MOCS1: variants seen among roughly 807,000 people sequenced by gnomAD.
MOCS1 encodes molybdenum cofactor synthesis 1.
A neutral mutation model predicts 57.6 loss-of-function variants in MOCS1; 39 were observed. That is an observed-to-expected ratio of 0.68 (90% CI 0.52 to 0.88). MOCS1 has a LOEUF of 0.88. Ranked by LOEUF, MOCS1 falls within the 40% of genes least tolerant of loss-of-function variation. The probability of loss-of-function intolerance (pLI) is 0.00; values close to 1 mark genes in which losing one functional copy is unlikely to be tolerated. For synonymous variants in MOCS1, 334 were observed against 335.7 expected (o/e 1.00, Z 0.05); for missense variants, 795 against 831.1 (o/e 0.96, Z 0.53).
intron 4 of MOCS1, among the ~76,000 whole-genome samples, chr6:39,914,814 C>CA (rs1345621437): frequency 6.6e-6 from 1 of 152,122 alleles, no homozygotes; most frequent in Non-Finnish European, 1.5e-5. Context: ...AGGTGGTGGA[C>CA]AAAAGAGTAT....
chr6:39,906,952 C>T lies in MOCS1; in HGVS notation c.1316G>A (p.Arg439Gln), dbSNP rs41273142. 0.03 allele frequency: 48,328 copies of T among 1,614,068 alleles called. 857 individuals are homozygous for T. Among genetic ancestry groups the T allele is most frequent in the Middle Eastern group, 0.064 (387 of 6,060 alleles). Reference protein sequence around the residue: ...VPQTPPLAQQRLGSGSFQRHY... With the variant: ...VPQTPPLAQQQLGSGSFQRHY... ...TCTCTGAAAGGAGCCAGACCCCAGCCGCTGCTGGGCTAGAGGAGGGGTCTG... is the reference window on the plus strand; with the variant it reads ...TCTCTGAAAGGAGCCAGACCCCAGCTGCTGCTGGGCTAGAGGAGGGGTCTG... Residue 439 changes from arginine (R) to glutamine (Q), a missense_variant, in exon 11 of 11, where the codon CGG becomes CAG. Around this residue, in one of 3 missense-constraint regions of MOCS1, gnomAD observed 374 missense variants for 422.6 expected, o/e 0.89. Transcript: ENST00000340692.
Position 39,934,446 on chromosome 6 carries a change from C to A in MOCS1, c.-29G>T, listed in dbSNP as rs1353483933. On this transcript the variant is annotated 5_prime_UTR_variant, in exon 1 of 11. Transcript: ENST00000340692. The stretch of plus-strand genomic sequence containing the variant: ...GCCTGATACGAGCGGAACCGCAGCC[C>A]GCTTCGGGAGCACACTGGCCGGGCA... 3.8e-6 allele frequency: 6 copies of A among 1,559,130 alleles called. No individual in the cohort carries two copies. The highest frequency in any genetic ancestry group is 5.2e-6 in the Non-Finnish European group (6 of 1,159,200).
chr6:39,913,022 G>A lies in MOCS1; in HGVS notation c.758-18C>T, dbSNP rs1767432322. The A allele has an allele frequency of 1.9e-6, 3 of 1,604,570 alleles. No individual in the cohort carries two copies. The highest frequency in any genetic ancestry group is 8.5e-7 in the Non-Finnish European group (1 of 1,171,364). On this transcript the variant is annotated intron_variant, in intron 6 of 10. Coordinates refer to ENST00000340692, the MANE Select transcript of MOCS1 (RefSeq NM_001358530.2). ...CTTGTTGCCTGTATTCGGGATGGGGGAAGGCAAGGGGAGCTTCTGAATCAC... is the reference window on the plus strand; with the variant it reads ...CTTGTTGCCTGTATTCGGGATGGGGAAAGGCAAGGGGAGCTTCTGAATCAC...
At chr6:39,919,641 A>G (rs1174821674) in intron 3 of MOCS1, among the ~76,000 whole-genome samples, 1 of 152,246 alleles carries the variant, frequency 6.6e-6, no homozygotes, top group Admixed American at 6.5e-5. Context: ...TGATGAAGCT[A>G]CAGTGATTAA....
intron 1 of MOCS1, among the ~76,000 whole-genome samples, chr6:39,933,958 G>A (rs766347271): frequency 6.6e-6 from 1 of 152,046 alleles, no homozygotes; most frequent in Non-Finnish European, 1.5e-5. Context: ...GAAAGAGGGT[G>A]GGTGCAAGGC....
At chr6:39,910,300 G>GA (rs1263336810) in intron 8 of MOCS1, among the ~76,000 whole-genome samples, 2 of 152,214 alleles carry the variant, frequency 1.3e-5, no homozygotes, top group African/African-American at 4.8e-5. Context: ...TTATCACCAT[G>GA]AGAATGGCCC....
intron 5 of MOCS1, 89 bp downstream of exon 5, chr6:39,913,685 G>C: frequency 1.4e-6 from 2 of 1,410,534 alleles, no homozygotes; most frequent in East Asian, 4.6e-5. Context: ...CCAGAGCTGA[G>C]GGCTCTCAAG....
At chr6:39,922,258 A>T (rs1768012336) in intron 3 of MOCS1, among the ~76,000 whole-genome samples, 1 of 152,226 alleles carries the variant, frequency 6.6e-6, no homozygotes, top group South Asian at 2.1e-4. Context: ...TGGCTACTGT[A>T]TCAGACAACA....
At chr6:39,925,569 G>C (rs1768229965) in intron 3 of MOCS1, 109 bp downstream of exon 3, 1 of 1,265,260 alleles carries the variant, frequency 7.9e-7, no homozygotes. Context: ...AGGACCAAGA[G>C]AGTGTCATGT....
In MOCS1 at chr6:39,905,394, CCCT is replaced by C. The variant is rs1403162590; in HGVS notation, c.*960_*962del. The C allele has an allele frequency of 2.1e-6, 1 of 467,354 alleles. No individual in the cohort carries two copies. The highest frequency in any genetic ancestry group is 2.3e-5 in the Admixed American group (1 of 42,564). 29.0% of individuals were successfully genotyped at this position (467,354 alleles called of 1,614,324 possible). On this transcript the variant is annotated 3_prime_UTR_variant, in exon 11 of 11. Transcript: ENST00000340692. Reference sequence around the variant, plus strand: ...AGTACACCCTTAGGCCTTTCCAGGTCCCTCCTCTTCTTCCCTCAGGGAACTGTG... The same window carrying C: ...AGTACACCCTTAGGCCTTTCCAGGTCCCTCTTCTTCCCTCAGGGAACTGTG...
At chr6:39,923,942 A>G (rs1768122770) in intron 3 of MOCS1, among the ~76,000 whole-genome samples, 2 of 152,190 alleles carry the variant, frequency 1.3e-5, no homozygotes, top group Admixed American at 6.5e-5. Flanking sequence ...AGGGCACTCC[A>G]GCGAACAATT....
chr6:39,934,172 G>T (rs1432249445), intron 1 of MOCS1, 123 bp downstream of exon 1: 5 of 1,303,524 alleles, frequency 3.8e-6, no homozygotes, highest in Non-Finnish European at 5.1e-6. Context: ...CCACTGAGGA[G>T]TGCCAACGGG....
At chr6:39,913,495 G>A (rs1767468224) in intron 5 of MOCS1, 67 bp from the exon 6 acceptor site, 12 of 1,410,672 alleles carry the variant, frequency 8.5e-6, no homozygotes, top group Non-Finnish European at 1.2e-5. Context: ...ATGACCCTTG[G>A]GGGCCTGGCA....
At position 39,924,896 on chromosome 6, in the gene MOCS1, T is replaced by C. The variant is rs148877424; in HGVS notation, c.418+782A>G. ...GGTTTCGAGACCAGCTTAGCCAACA[T>C]GGTGAAACCCCGTCTCTGCTAAAAA... On this transcript the variant is annotated intron_variant, in intron 3 of 10. Transcript: ENST00000340692. Among the ~76,000 whole-genome samples the C allele has an allele frequency of 1.3e-3, 192 of 152,220 alleles. 1 individual carries two copies. Among genetic ancestry groups the C allele is most frequent in the African/African-American group, 4.4e-3 (182 of 41,526 alleles).
intron 10 of MOCS1, 109 bp from the exon 11 acceptor site, chr6:39,907,226 C>T: frequency 2.5e-6 from 3 of 1,189,788 alleles, no homozygotes; most frequent in Non-Finnish European, 3.4e-6. Flanking sequence ...CTCTTTCATA[C>T]CGGGGAAAGA....
In MOCS1 at chr6:39,904,553, TCAG is replaced by T. The variant is rs779409261; in HGVS notation, c.*1801_*1803del. 4 of 453,608 alleles carry T rather than the reference TCAG, an allele frequency of 8.8e-6. No individual in the cohort carries two copies. The highest frequency in any genetic ancestry group is 1.8e-5 in the Non-Finnish European group (4 of 226,960). The allele number at this position is 453,608 out of a possible 1,614,324, so 28.1% of individuals were successfully genotyped here. The stretch of plus-strand genomic sequence containing the variant: ...CATCAACCTAACAAACACAACCTTC[TCAG>T]CAGCATTTCTCCCCTGTGATGGAAA... On this transcript the variant is annotated 3_prime_UTR_variant, in exon 11 of 11. Transcript: ENST00000340692.
chr6:39,929,384 G>C (rs977707576), intron 1 of MOCS1, among the ~76,000 whole-genome samples: 3 of 152,136 alleles, frequency 2.0e-5, no homozygotes, highest in African/African-American at 7.2e-5. Flanking sequence ...GTCCAGATGA[G>C]ATACCTGGGA....
In MOCS1 at chr6:39,906,237, G is replaced by A. The variant is rs188611081; in HGVS notation, c.*120C>T. ...TTAGTAGTAGAGCAGGCTGACTTCG[G>A]GTTTACTGCTCAAGGTAAACAAACA... On this transcript the variant is annotated 3_prime_UTR_variant, in exon 11 of 11. Transcript: ENST00000340692. The A allele has an allele frequency of 7.3e-4, 944 of 1,290,782 alleles. 7 individuals are homozygous for A. In the African/African-American group the frequency reaches 0.012, roughly 17 times the overall value. The allele number at this position is 1,290,782 out of a possible 1,614,324, so 80.0% of individuals were successfully genotyped here.
At chr6:39,924,625 C>A (rs1768169473) in intron 3 of MOCS1, among the ~76,000 whole-genome samples, 2 of 152,210 alleles carry the variant, frequency 1.3e-5, no homozygotes, top group Non-Finnish European at 2.9e-5. Context: ...TTTGTCAACA[C>A]CATGCAACTC....
Sources: gnomAD v4.1 joint callset for allele counts (sites outside exome capture counted in the v4.1 genomes callset) on GRCh38, gnomAD v4.1.1 for gene constraint, gnomAD v4.1.1 regional missense constraint, MANE v1.5 for transcripts, NCBI Gene and HGNC (gene_info 2026-07-23, HGNC 2026-07-21) for gene names.